The following PXYLP1 variants were observed in gnomAD, a reference collection of about 807,000 sequenced individuals.
PXYLP1 encodes the protein 2-phosphoxylose phosphatase 1.
A neutral mutation model predicts 37.9 loss-of-function variants in PXYLP1; 17 were observed. The ratio of observed to expected loss-of-function variants is 0.45; its 90% CI spans 0.31 to 0.67. The LOEUF is 0.67. Among genes scored for constraint, PXYLP1 ranks in the 30% least tolerant of loss-of-function variants. The probability of loss-of-function intolerance (pLI) is 0.07; values close to 1 mark genes in which losing one functional copy is unlikely to be tolerated. For missense variants in PXYLP1, 511 were observed against 612.0 expected, an observed-to-expected ratio of 0.84 and a Z score of 1.74; for synonymous variants, 221 against 232.2, an observed-to-expected ratio of 0.95 and a Z score of 0.44.
At chr3:141,251,566 T>C (rs1211068931) in intron 1 of PXYLP1, among the ~76,000 whole-genome samples, 3 of 152,202 alleles carry the variant, frequency 2.0e-5, no homozygotes, top group African/African-American at 7.2e-5. Context: ...GAATAGACAC[T>C]TGGGGCAGTT....
intron 1 of PXYLP1, among the ~76,000 whole-genome samples, chr3:141,242,579 T>C (rs745374354): frequency 6.6e-6 from 1 of 152,160 alleles, no homozygotes; most frequent in Non-Finnish European, 1.5e-5. Context: ...GAGACAGTGC[T>C]GGGGGGTGGG....
At chr3:141,249,196 C>T (rs913395220) in intron 1 of PXYLP1, among the ~76,000 whole-genome samples, 2 of 152,186 alleles carry the variant, frequency 1.3e-5, no homozygotes, top group African/African-American at 2.4e-5. Flanking sequence ...CCTGGTGCCC[C>T]ACTCCTCTTC....
chr3:141,254,994 G>C (rs1941233125), intron 1 of PXYLP1, among the ~76,000 whole-genome samples: 1 of 152,300 alleles, frequency 6.6e-6, no homozygotes, highest in African/African-American at 2.4e-5. Context: ...AATAGGCCAA[G>C]GCTTGGGCCC....
chr3:141,244,121 CAT>C (rs1457078199), intron 1 of PXYLP1, among the ~76,000 whole-genome samples: 3 of 152,204 alleles, frequency 2.0e-5, no homozygotes, highest in Non-Finnish European at 2.9e-5. Flanking sequence ...TATAACCACT[CAT>C]AATATTTAGG....
intron 2 of PXYLP1, chr3:141,261,917 C>T (rs1269512567): frequency 6.6e-6 from 1 of 152,238 alleles, no homozygotes; most frequent in African/African-American, 2.4e-5. Flanking sequence ...TGTCACCTGC[C>T]TTCTCTCCGT....
intron 1 of PXYLP1, among the ~76,000 whole-genome samples, chr3:141,253,076 G>A (rs1159994137): frequency 1.3e-5 from 2 of 152,172 alleles, no homozygotes; most frequent in African/African-American, 4.8e-5. Context: ...TGGCCTGCCT[G>A]GTGGTGTGGA....
At chr3:141,262,469 A>G (rs1476900215) in intron 2 of PXYLP1, 6 of 693,262 alleles carry the variant, frequency 8.7e-6, no homozygotes, top group Non-Finnish European at 8.3e-6. Flanking sequence ...TGAGACATGA[A>G]TGTGTGTTAC....
Position 141,292,577 on chromosome 3 carries a change from A to G in PXYLP1, c.815A>G (p.Glu272Gly), listed in dbSNP as rs1461820859. Residue 272 changes from glutamate (E) to glycine (G), a missense_variant, in exon 6 of 6, where the codon GAG (glutamate) becomes GGG (glycine). By Grantham distance (98) the Glu-to-Gly change is moderately conservative. Coordinates refer to ENST00000286353, the MANE Select transcript of PXYLP1 (RefSeq NM_001037172.3). This position sits in a 1 kb window ranked among gnomAD's most constrained non-coding sequence, Gnocchi z 4.3. ...CTACGTTTGAAAAACAGCCAGCTGG[A>G]GAAGACCTACGGGGAGATGGCCAAG... The part of the protein sequence containing the change: ...YLLRLKNSQL[E>G]KTYGEMAKIV... The G allele has an allele frequency of 1.2e-6, 2 of 1,614,122 alleles. No individual in the cohort carries two copies. Among genetic ancestry groups the G allele is most frequent in the Admixed American group, 3.3e-5 (2 of 60,016 alleles).
intron 1 of PXYLP1, among the ~76,000 whole-genome samples, chr3:141,242,727 A>G (rs906016066): frequency 6.6e-6 from 1 of 152,188 alleles, no homozygotes; most frequent in African/African-American, 2.4e-5. Context: ...TCTTGGTCCA[A>G]GTGCTGCAGG....
Position 141,293,269 on chromosome 3 carries a change from T to G in PXYLP1, c.*64T>G. 2.1e-6 allele frequency: 3 copies of G among 1,454,626 alleles called. No individual in the cohort carries two copies. Among genetic ancestry groups the G allele is most frequent in the Non-Finnish European group, 2.8e-6 (3 of 1,077,306 alleles). 90.1% of individuals were successfully genotyped at this position (1,454,626 alleles called of 1,614,324 possible). A position where few individuals can be genotyped will look rare whatever the true frequency, so the allele number is the denominator to read the frequency against. ...CAGAGCATAGGGAAAGGTCCACTTC[T>G]AGTTTTGTCTGTTACTAAGGGTAGA... On this transcript the variant is annotated 3_prime_UTR_variant, in exon 6 of 6. Coordinates refer to ENST00000286353, the MANE Select transcript of PXYLP1 (RefSeq NM_001037172.3).
Position 141,279,426 on chromosome 3 carries a change from G to A in PXYLP1, c.287G>A (p.Arg96His), listed in dbSNP as rs754829130. 1.5e-5 allele frequency: 25 copies of A among 1,614,208 alleles called. No homozygotes were observed. Among genetic ancestry groups the A allele is most frequent in the South Asian group, 3.3e-5 (3 of 91,076 alleles). The change falls in exon 4 of 6, where the codon CGC becomes CAC. Residue 96 changes from arginine to histidine, a missense_variant. Coordinates refer to ENST00000286353, the MANE Select transcript of PXYLP1 (RefSeq NM_001037172.3). The stretch of plus-strand genomic sequence containing the variant: ...CTGGTCTCAGTGCATGTGTTCATTC[G>A]CCACGGAGACAGGTACCCACTGTAT... ...FKLVSVHVFI[R>H]HGDRYPLYVI...
intron 4 of PXYLP1, among the ~76,000 whole-genome samples, chr3:141,280,176 A>G (rs575990958): frequency 6.6e-6 from 1 of 152,374 alleles, no homozygotes; most frequent in South Asian, 2.1e-4. Context: ...GGAGGCACAT[A>G]ACATTCTAGC....
At chr3:141,281,905 G>A (rs143143585) in intron 4 of PXYLP1, among the ~76,000 whole-genome samples, 1 of 152,320 alleles carries the variant, frequency 6.6e-6, no homozygotes, top group Non-Finnish European at 1.5e-5. Context: ...TAGGTTATCT[G>A]AGGCTTCGAT....
chr3:141,257,064 TAAAG>T (rs939818916), intron 1 of PXYLP1, among the ~76,000 whole-genome samples: 3 of 152,240 alleles, frequency 2.0e-5, no homozygotes, highest in African/African-American at 7.2e-5. Context: ...CTCCGCATAT[TAAAG>T]AACGTAGACA....
At chr3:141,254,195 G>A (rs969953151) in intron 1 of PXYLP1, among the ~76,000 whole-genome samples, 1 of 152,210 alleles carries the variant, frequency 6.6e-6, no homozygotes, top group Admixed American at 6.5e-5. Context: ...TTACAGGCGT[G>A]AGCTACCACG....
Position 141,293,304 on chromosome 3 carries a change from C to T in PXYLP1, c.*99C>T, listed in dbSNP as rs1942277039. On this transcript the variant is annotated 3_prime_UTR_variant, in exon 6 of 6. Coordinates refer to ENST00000286353, the MANE Select transcript of PXYLP1 (RefSeq NM_001037172.3). ...TGTTACTAAGGGTAGAAGATTATTG[C>T]TTTTTAAAGGCTAAATATTGTTTGT... 1.6e-6 allele frequency: 2 copies of T among 1,226,250 alleles called. No individual in the cohort carries two copies. Among genetic ancestry groups the T allele is most frequent in the Non-Finnish European group, 2.2e-6 (2 of 897,754 alleles). The allele number at this position is 1,226,250 out of a possible 1,614,324, so 76.0% of individuals were successfully genotyped here.
At chr3:141,263,304 G>C (rs1386120750) in intron 2 of PXYLP1, among the ~76,000 whole-genome samples, 1 of 152,174 alleles carries the variant, frequency 6.6e-6, no homozygotes, top group Non-Finnish European at 1.5e-5. Flanking sequence ...CTCAAAATAT[G>C]TTCATCTTAA....
At chr3:141,263,366 A>G (rs540690438) in intron 2 of PXYLP1, among the ~76,000 whole-genome samples, 5 of 152,362 alleles carry the variant, frequency 3.3e-5, no homozygotes, top group East Asian at 3.9e-4. Flanking sequence ...AAATAAGTCT[A>G]TGTTTTCAAG....
intron 5 of PXYLP1, among the ~76,000 whole-genome samples, chr3:141,290,883 T>G (rs1942185365): frequency 6.6e-6 from 1 of 152,236 alleles, no homozygotes. Context: ...GTAAGCACTC[T>G]AACTTTATGT....
Sources: gnomAD v4.1 joint callset for allele counts (sites outside exome capture counted in the v4.1 genomes callset) on GRCh38, gnomAD v4.1.1 for gene constraint, Gnocchi (gnomAD v3.1) non-coding constraint, MANE v1.5 for transcripts, NCBI Gene and HGNC (gene_info 2026-07-23, HGNC 2026-07-21) for gene names.